Variants in TOM1L1 observed in about 807,000 individuals in gnomAD.
TOM1L1 encodes TOM1-like protein 1.
Under a neutral mutation model 63.4 loss-of-function variants are expected in TOM1L1, and 64 were observed. The observed-to-expected ratio is 1.01, with a 90% CI of 0.83 to 1.24. TOM1L1 has a LOEUF of 1.24. Ranked by LOEUF, TOM1L1 falls within the 50% of genes most tolerant of loss-of-function variation. The pLI, the probability that TOM1L1 is intolerant of heterozygous loss-of-function variation, is 0.00. For missense variants in TOM1L1, 536 were observed against 567.0 expected (o/e 0.95, Z 0.55); for synonymous variants, 166 against 194.4 (o/e 0.85, Z 1.22).
At chr17:54,906,709 G>A (rs1280343313) in intron 3 of TOM1L1, 1 of 949,240 alleles carries the variant, frequency 1.1e-6, no homozygotes, top group African/African-American at 1.8e-5. Flanking sequence ...TATTGTCTGT[G>A]ATTTAAGTGT....
At position 54,937,202 on chromosome 17, in the gene TOM1L1, A is replaced by T. The variant is rs764207036; in HGVS notation, c.1009A>T (p.Met337Leu). The change falls in exon 10 of 16, where the codon ATG (methionine) becomes TTG (leucine). Residue 337 changes from methionine to leucine, a missense_variant. Met to Leu is a conservative substitution (Grantham distance 15). Coordinates refer to ENST00000575882, the MANE Select transcript of TOM1L1 (RefSeq NM_005486.3). ...GGCCACTCTGGGAGAACTCAACACCATGAATAATCAACTTTCAGGCTTAAG... is the reference window on the plus strand; with the variant it reads ...GGCCACTCTGGGAGAACTCAACACCTTGAATAATCAACTTTCAGGCTTAAG... ...PRATLGELNT[M>L]NNQLSGLNFS... 3.7e-6 allele frequency: 6 copies of T among 1,613,198 alleles called. No homozygotes were observed. In the South Asian group the frequency reaches 5.5e-5, roughly 15 times the overall value.
intron 7 of TOM1L1, among the ~76,000 whole-genome samples, chr17:54,923,263 G>T (rs921498447): frequency 5.3e-5 from 8 of 152,078 alleles, no homozygotes; most frequent in African/African-American, 1.2e-4. Context: ...GAGTAGAATT[G>T]CTGGGTCGTA....
chr17:54,920,034 A>G (rs2048658017), intron 7 of TOM1L1, among the ~76,000 whole-genome samples: 1 of 151,816 alleles, frequency 6.6e-6, no homozygotes, highest in Non-Finnish European at 1.5e-5. Flanking sequence ...TTCCCCCTCT[A>G]ACCCTATGTC....
intron 7 of TOM1L1, among the ~76,000 whole-genome samples, chr17:54,924,983 C>T (rs1298611276): frequency 1.3e-5 from 2 of 152,094 alleles, no homozygotes; most frequent in Non-Finnish European, 2.9e-5. Flanking sequence ...AGGCTATTCT[C>T]GAGGCTATTC....
chr17:54,950,761 T>C (rs868751996), intron 14 of TOM1L1, among the ~76,000 whole-genome samples: 6 of 152,246 alleles, frequency 3.9e-5, no homozygotes. Context: ...GGCTCTATCT[T>C]GCTTGCAGTT....
At chr17:54,932,017 C>T (rs1049095761) in intron 8 of TOM1L1, among the ~76,000 whole-genome samples, 1 of 149,294 alleles carries the variant, frequency 6.7e-6, no homozygotes, top group African/African-American at 2.5e-5. Context: ...TGCAGTGGCA[C>T]GATCTTGGCT....
chr17:54,935,920 C>T (rs965455377), intron 8 of TOM1L1, among the ~76,000 whole-genome samples: 4 of 151,974 alleles, frequency 2.6e-5, no homozygotes, highest in African/African-American at 9.7e-5. Flanking sequence ...GTCGGGAGTT[C>T]GAAACCAGCC....
At chr17:54,927,638 C>A (rs745988310) in intron 7 of TOM1L1, among the ~76,000 whole-genome samples, 39 of 152,296 alleles carry the variant, frequency 2.6e-4, no homozygotes, top group South Asian at 4.1e-4. Context: ...TATGCACCAG[C>A]AGCTGTTGTT....
chr17:54,949,683 C>A, intron 13 of TOM1L1, 60 bp downstream of exon 13: 1 of 1,323,540 alleles, frequency 7.6e-7, no homozygotes, highest in Non-Finnish European at 1.1e-6. Context: ...TATGAGTCTG[C>A]CAGAGATTCA....
chr17:54,948,569 C>T lies in TOM1L1; in HGVS notation c.1183-949C>T, dbSNP rs114413328. Among the ~76,000 whole-genome samples the T allele has an allele frequency of 9.4e-3, 1,431 of 152,250 alleles. 29 individuals carry two copies. Among genetic ancestry groups the T allele is most frequent in the African/African-American group, 0.033 (1,353 of 41,562 alleles). ...CCAGTGATGAGACATTTCCTGACCACGACCTATTAGAGCAGTATTCCACCC... is the reference window on the plus strand; with the variant it reads ...CCAGTGATGAGACATTTCCTGACCATGACCTATTAGAGCAGTATTCCACCC... On this transcript the variant is annotated intron_variant, in intron 12 of 15. Transcript: ENST00000575882.
At chr17:54,955,440 T>G (rs2049451763) in intron 14 of TOM1L1, among the ~76,000 whole-genome samples, 1 of 152,140 alleles carries the variant, frequency 6.6e-6, no homozygotes, top group Non-Finnish European at 1.5e-5. Context: ...AACTGCCCCC[T>G]TTGAAACTTG....
At position 54,938,945 on chromosome 17, in the gene TOM1L1, A is replaced by T; in HGVS notation, c.1055A>T (p.Asp352Val). 3 of 1,610,684 alleles carry T rather than the reference A, an allele frequency of 1.9e-6. No individual in the cohort carries two copies. The highest frequency in any genetic ancestry group is 2.5e-6 in the Non-Finnish European group (3 of 1,178,494). Residue 352 changes from aspartate (D) to valine (V), a missense_variant, in exon 11 of 16, where the codon GAT becomes GTT. Asp to Val is a radical substitution (Grantham distance 152). Transcript: ENST00000575882. ...SGLNFSLPSS[D>V]VTNNLKPSLH... ...TTAGATTTCAGCCTTCCAAGTTCTG[A>T]TGTAACAAACAACTTAAAACCCAGT...
Position 54,914,585 on chromosome 17 carries a change from G to A in TOM1L1, c.499-54G>A, listed in dbSNP as rs140787320. On this transcript the variant is annotated intron_variant, in intron 5 of 15. Transcript: ENST00000575882. ...GTTAGCTGAATGGAAAAAACTTGGC[G>A]TTGGGTGGCTATGTTAATTCACATA... 601 of 1,469,998 alleles carry A rather than the reference G, an allele frequency of 4.1e-4. 2 individuals are homozygous for A. The African/African-American group carries it at 4.2e-3, about 10-fold the overall frequency. 91.1% of individuals were successfully genotyped at this position (1,469,998 alleles called of 1,614,324 possible).
chr17:54,956,614 ATTT>A (rs2049517537), intron 14 of TOM1L1: 1 of 151,126 alleles, frequency 6.6e-6, no homozygotes, highest in African/African-American at 2.4e-5. Context: ...TAGCCTTTTA[ATTT>A]TTTTCTTTTT....
chr17:54,914,846 C>A, intron 6 of TOM1L1, 103 bp downstream of exon 6: 1 of 882,070 alleles, frequency 1.1e-6, no homozygotes, highest in Non-Finnish European at 1.9e-6. Context: ...GATGTAGGTA[C>A]ACTCATTTCA....
intron 4 of TOM1L1, among the ~76,000 whole-genome samples, chr17:54,913,535 G>A (rs569752709): frequency 1.3e-5 from 2 of 152,070 alleles, no homozygotes. Flanking sequence ...GCGTGGTGGC[G>A]GGCGCCTGTA....
intron 7 of TOM1L1, among the ~76,000 whole-genome samples, chr17:54,929,594 C>T (rs1181403568): frequency 6.6e-6 from 1 of 152,112 alleles, no homozygotes; most frequent in Non-Finnish European, 1.5e-5. Context: ...GCTAATAATG[C>T]AATAACATTT....
At chr17:54,910,283 C>G (rs575719254) in intron 3 of TOM1L1, among the ~76,000 whole-genome samples, 39 of 152,190 alleles carry the variant, frequency 2.6e-4, no homozygotes, top group Non-Finnish European at 5.1e-4. Flanking sequence ...TGGCGAAAAC[C>G]CATGTCTACT....
chr17:54,913,147 T>C (rs576079326), intron 4 of TOM1L1, among the ~76,000 whole-genome samples: 1 of 152,334 alleles, frequency 6.6e-6, no homozygotes, highest in African/African-American at 2.4e-5. Context: ...CTACTGATGT[T>C]ATTTTAGAAT....
Sources: allele counts gnomAD v4.1 joint callset (sites outside exome capture counted in the v4.1 genomes callset), GRCh38; gene constraint gnomAD v4.1.1; transcripts MANE v1.5; gene names NCBI Gene and HGNC (gene_info 2026-07-23, HGNC 2026-07-21).